Variants in DAPK1 observed in about 807,000 individuals in gnomAD.
DAPK1 encodes death associated protein kinase 1.
In DAPK1, 56 loss-of-function variants were observed where a neutral mutation model predicts 144.9. That is an observed-to-expected ratio of 0.39 (90% CI 0.31 to 0.48). The LOEUF (loss-of-function observed/expected upper bound fraction) is 0.48. DAPK1 is among the 20% of genes least tolerant of loss of function. The probability of loss-of-function intolerance (pLI) is 0.95; values close to 1 mark genes in which losing one functional copy is unlikely to be tolerated. For synonymous variants in DAPK1, 690 were observed against 749.0 expected (o/e 0.92, Z 1.29); for missense variants, 1,454 against 1,875.4 (o/e 0.78, Z 4.15).
At chr9:87,508,597 C>T (rs1338963328) in intron 2 of DAPK1, among the ~76,000 whole-genome samples, 1 of 152,134 alleles carries the variant, frequency 6.6e-6, no homozygotes, top group South Asian at 2.1e-4. Flanking sequence ...CCACCTCGGC[C>T]TCCCAAAGTG....
At chr9:87,643,514 A>C in intron 11 of DAPK1, 46 bp downstream of exon 11, 1 of 1,166,124 alleles carries the variant, frequency 8.6e-7, no homozygotes. Context: ...AGCACTGGGT[A>C]CTCAGAATGA....
chr9:87,498,770 C>A, intron 1 of DAPK1, 200 bp from the exon 2 acceptor site: 4 of 435,570 alleles, frequency 9.2e-6, no homozygotes, highest in Non-Finnish European at 1.6e-5. Flanking sequence ...GGTGCCCGGC[C>A]CCACGCGCGC....
intron 2 of DAPK1, among the ~76,000 whole-genome samples, chr9:87,541,211 A>G (rs1826036946): frequency 6.6e-6 from 1 of 152,126 alleles, no homozygotes; most frequent in Non-Finnish European, 1.5e-5. Flanking sequence ...TATGTAGTTT[A>G]TGTCCAAACC....
intron 18 of DAPK1, among the ~76,000 whole-genome samples, chr9:87,667,418 G>T (rs773773296): frequency 1.3e-5 from 2 of 152,208 alleles, no homozygotes; most frequent in Non-Finnish European, 2.9e-5. Context: ...GTCACAACTG[G>T]GAGTTAGGGG....
rs544574967 is a variant in DAPK1 at position 87,604,277 on chromosome 9, G to A, written c.63-677G>A. On this transcript the variant is annotated intron_variant, in intron 2 of 25. Transcript: ENST00000408954. ...GCATTGTGGTCAGGAGAATGGAGTG[G>A]ACTGATTGGCTCAGCCTAGGTCACA... Among the ~76,000 whole-genome samples the A allele has an allele frequency of 3.9e-5, 6 of 152,250 alleles. No homozygotes were observed. In the South Asian group the frequency reaches 1.0e-3, roughly 26 times the overall value.
intron 2 of DAPK1, among the ~76,000 whole-genome samples, chr9:87,541,857 T>C (rs1488470524): frequency 6.6e-6 from 1 of 152,242 alleles, no homozygotes; most frequent in Non-Finnish European, 1.5e-5. Context: ...GTCTATCACA[T>C]GTCTATATAG....
At chr9:87,608,863 T>C (rs1828824887) in intron 3 of DAPK1, among the ~76,000 whole-genome samples, 3 of 152,174 alleles carry the variant, frequency 2.0e-5, no homozygotes, top group African/African-American at 7.2e-5. Flanking sequence ...GAGCTGACTA[T>C]TTTTGCCTCT....
chr9:87,518,409 T>C (rs890461490), intron 2 of DAPK1, among the ~76,000 whole-genome samples: 2 of 151,946 alleles, frequency 1.3e-5, no homozygotes, highest in Non-Finnish European at 2.9e-5. Flanking sequence ...ATTATAGGCG[T>C]GAGCCACTGC....
At chr9:87,579,489 G>A (rs1421662109) in intron 2 of DAPK1, among the ~76,000 whole-genome samples, 1 of 152,178 alleles carries the variant, frequency 6.6e-6, no homozygotes. Context: ...CGGAAAAGTG[G>A]TGGGGAAATG....
At chr9:87,647,178 C>T (rs1252558104) in intron 13 of DAPK1, 127 bp from the exon 14 acceptor site, 2 of 764,358 alleles carry the variant, frequency 2.6e-6, no homozygotes, top group East Asian at 2.5e-5. Flanking sequence ...GGTTTTATTC[C>T]TCTGGGAAGT....
intron 2 of DAPK1, among the ~76,000 whole-genome samples, chr9:87,581,632 T>A (rs1827756757): frequency 6.6e-6 from 1 of 152,196 alleles, no homozygotes; most frequent in Non-Finnish European, 1.5e-5. Flanking sequence ...CCCCCCTAAC[T>A]ACCCTAGTTC....
At chr9:87,660,626 G>A (rs72747871) in intron 18 of DAPK1, among the ~76,000 whole-genome samples, 10,276 of 151,808 alleles carry the variant, frequency 0.068, 413 homozygotes, top group East Asian at 0.16. Context: ...CATCCTCCAC[G>A]CGCTTCCCTC....
At chr9:87,661,902 C>T (rs1830861338) in intron 18 of DAPK1, among the ~76,000 whole-genome samples, 1 of 152,136 alleles carries the variant, frequency 6.6e-6, no homozygotes, top group South Asian at 2.1e-4. Flanking sequence ...TTTGCCTAGA[C>T]CCATGTTTAG....
chr9:87,631,398 C>T (rs977362197), intron 3 of DAPK1, among the ~76,000 whole-genome samples: 3 of 152,198 alleles, frequency 2.0e-5, no homozygotes, highest in Non-Finnish European at 2.9e-5. Context: ...TAAATACCTT[C>T]TGTCGTGGCC....
intron 2 of DAPK1, among the ~76,000 whole-genome samples, chr9:87,601,464 G>T (rs986472669): frequency 6.6e-6 from 1 of 152,048 alleles, no homozygotes; most frequent in Admixed American, 6.6e-5. Context: ...TGAGGATTTA[G>T]CAATAGTTGT....
rs1825268149 is a variant in DAPK1, at chr9:87,696,615, G to A, written c.2414-392G>A. On this transcript the variant is annotated intron_variant, in intron 21 of 25. Transcript: ENST00000408954. Reference sequence around the variant, plus strand: ...AAGGTCAAAGGGTAAGTGGACACACGGGAAGGGACAAAAACCTGCTTTACA... The same window carrying A: ...AAGGTCAAAGGGTAAGTGGACACACAGGAAGGGACAAAAACCTGCTTTACA... Among the ~76,000 whole-genome samples the A allele has an allele frequency of 2.6e-5, 4 of 152,142 alleles. No homozygotes were observed. In the South Asian group the frequency reaches 6.2e-4, roughly 24 times the overall value.
In DAPK1 at chr9:87,501,255, C is replaced by T. The variant is rs189658617; in HGVS notation, c.62+2116C>T. Among the ~76,000 whole-genome samples the T allele has an allele frequency of 2.7e-4, 41 of 152,320 alleles. No homozygotes were observed. In the East Asian group the frequency reaches 7.7e-3, roughly 29 times the overall value. The stretch of plus-strand genomic sequence containing the variant: ...CTTTACTTGGCCAGGCGAGGTGGCT[C>T]ACACCTGTAATCCCAGCACTTTTGG... On this transcript the variant is annotated intron_variant, in intron 2 of 25. Coordinates refer to ENST00000408954, the MANE Select transcript of DAPK1 (RefSeq NM_004938.4).
At chr9:87,498,428 C>T (rs1254664539) in intron 1 of DAPK1, 2 of 304,894 alleles carry the variant, frequency 6.6e-6, no homozygotes, top group African/African-American at 2.2e-5. Flanking sequence ...CCGGGTCGGC[C>T]GGGTAACGGA....
At chr9:87,590,008 G>T (rs1828068291) in intron 2 of DAPK1, among the ~76,000 whole-genome samples, 1 of 152,122 alleles carries the variant, frequency 6.6e-6, no homozygotes, top group South Asian at 2.1e-4. Flanking sequence ...CCCAATTGGG[G>T]CAAGGGGAAA....
Sources: gnomAD v4.1 joint callset for allele counts (sites outside exome capture counted in the v4.1 genomes callset) on GRCh38, gnomAD v4.1.1 for gene constraint, MANE v1.5 for transcripts, NCBI Gene and HGNC (gene_info 2026-07-23, HGNC 2026-07-21) for gene names.